SCAI: variants seen among roughly 807,000 people sequenced by gnomAD.
The protein encoded by SCAI is suppressor of cancer cell invasion.
In SCAI, 24 loss-of-function variants were observed where a neutral mutation model predicts 92.2. The ratio of observed to expected loss-of-function variants is 0.26; its 90% CI spans 0.19 to 0.37. The LOEUF (loss-of-function observed/expected upper bound fraction) is 0.37, where lower values mean the gene tolerates loss of function less well. SCAI is among the 10% of genes least tolerant of loss of function. SCAI has a pLI of 1.00. For missense variants in SCAI, 450 were observed against 736.2 expected (o/e 0.61, Z 4.50); for synonymous variants, 261 against 258.6 (o/e 1.01, Z -0.09).
rs535865175 is a variant in SCAI, at chr9:125,030,788, G to C, written c.231-1049C>G. On this transcript the variant is annotated intron_variant, in intron 3 of 17. Transcript: ENST00000336505. ...TGGGAAACAGTATGTTGCTAGCCCTGGATGCTATTAGCTACACTTAAAATA... is the reference window on the plus strand; with the variant it reads ...TGGGAAACAGTATGTTGCTAGCCCTCGATGCTATTAGCTACACTTAAAATA... 4.6e-5 allele frequency among the ~76,000 whole-genome samples: 7 copies of C among 152,166 alleles called. 1 individual carries two copies. In the South Asian group the frequency reaches 1.2e-3, roughly 27 times the overall value.
intron 14 of SCAI, among the ~76,000 whole-genome samples, chr9:124,989,468 C>T (rs1456163165): frequency 2.0e-5 from 3 of 152,030 alleles, no homozygotes; most frequent in Non-Finnish European, 4.4e-5. Flanking sequence ...GTAATCCCAG[C>T]TACTCAGGAC....
intron 2 of SCAI, among the ~76,000 whole-genome samples, chr9:125,142,073 G>A (rs1391745012): frequency 1.3e-5 from 2 of 152,096 alleles, no homozygotes; most frequent in South Asian, 2.1e-4. Flanking sequence ...TGGGACTACA[G>A]GTCCACAACA....
chr9:124,977,617 T>G (rs547675273), intron 14 of SCAI, among the ~76,000 whole-genome samples: 1 of 152,340 alleles, frequency 6.6e-6, no homozygotes, highest in South Asian at 2.1e-4. Flanking sequence ...AAGGCTACAA[T>G]GAGCTCTGAT....
intron 2 of SCAI, among the ~76,000 whole-genome samples, chr9:125,099,081 T>A (rs1049484338): frequency 1.6e-4 from 24 of 152,162 alleles, no homozygotes; most frequent in Non-Finnish European, 3.2e-4. Flanking sequence ...TATAGAGAAG[T>A]GATTTTGTTG....
intron 15 of SCAI, among the ~76,000 whole-genome samples, chr9:124,972,434 GGAC>G (rs772337800): frequency 6.6e-5 from 10 of 152,052 alleles, no homozygotes; most frequent in Non-Finnish European, 1.5e-4. Context: ...GTAAAATACT[GGAC>G]ACTAAAAATG....
At chr9:124,976,264 T>A in intron 14 of SCAI, 78 bp from the exon 15 acceptor site, 2 of 1,012,500 alleles carry the variant, frequency 2.0e-6, no homozygotes, top group South Asian at 1.3e-5. Flanking sequence ...CAAAGCATAT[T>A]TTTAGTGTAT....
chr9:125,027,625 AT>A (rs1832989194), intron 5 of SCAI, among the ~76,000 whole-genome samples: 1 of 151,830 alleles, frequency 6.6e-6, no homozygotes, highest in South Asian at 2.1e-4. Context: ...GGTTCAAGCA[AT>A]TTTCCTCCCT....
chr9:125,093,723 G>A (rs1019366089), intron 2 of SCAI, among the ~76,000 whole-genome samples: 3 of 151,844 alleles, frequency 2.0e-5, no homozygotes, highest in Admixed American at 6.6e-5. Flanking sequence ...ACACTGACAC[G>A]CCTGGCTAAT....
chr9:124,985,672 AC>A (rs1486688561), intron 14 of SCAI, among the ~76,000 whole-genome samples: 2 of 151,888 alleles, frequency 1.3e-5, no homozygotes, highest in Non-Finnish European at 2.9e-5. Flanking sequence ...GTTTGAGGCC[AC>A]CCTGACCAAC....
chr9:125,053,798 C>A (rs1833610122), intron 3 of SCAI, among the ~76,000 whole-genome samples: 1 of 151,964 alleles, frequency 6.6e-6, no homozygotes, highest in Admixed American at 6.6e-5. Flanking sequence ...TTTGAATGGG[C>A]AAATTTTATT....
intron 2 of SCAI, among the ~76,000 whole-genome samples, chr9:125,141,802 G>A (rs1419658576): frequency 2.6e-5 from 4 of 152,020 alleles, no homozygotes; most frequent in South Asian, 4.1e-4. Context: ...TCTCTGTGTC[G>A]CAGTTCCCTC....
intron 17 of SCAI, among the ~76,000 whole-genome samples, chr9:124,956,861 G>T (rs1320358063): frequency 1.3e-5 from 2 of 152,192 alleles, no homozygotes; most frequent in Middle Eastern, 3.4e-3. Context: ...TGGAAAAAAA[G>T]AAGTAAAGCT....
intron 17 of SCAI, among the ~76,000 whole-genome samples, chr9:124,966,188 A>T (rs904715337): frequency 6.6e-6 from 1 of 151,524 alleles, no homozygotes; most frequent in Admixed American, 6.6e-5. Flanking sequence ...TTAACTTGTC[A>T]TTTACATTAG....
intron 14 of SCAI, among the ~76,000 whole-genome samples, chr9:124,989,760 G>A (rs560048159): frequency 6.6e-6 from 1 of 151,344 alleles, no homozygotes; most frequent in South Asian, 2.1e-4. Flanking sequence ...GCGCGTGCCT[G>A]TAATCCAAGC....
intron 9 of SCAI, among the ~76,000 whole-genome samples, chr9:125,017,852 C>A (rs1832792660): frequency 6.6e-6 from 1 of 151,660 alleles, no homozygotes; most frequent in African/African-American, 2.4e-5. Flanking sequence ...ACTAAATATA[C>A]AAAAATTAGC....
intron 2 of SCAI, among the ~76,000 whole-genome samples, chr9:125,060,737 C>G (rs918459573): frequency 2.0e-5 from 3 of 152,196 alleles, no homozygotes; most frequent in African/African-American, 7.2e-5. Context: ...CCTTTCGCCT[C>G]CTATCATGAT....
rs1006430480 is a variant in SCAI at position 124,971,618 on chromosome 9, T to G, written c.1573+53A>C. The G allele has an allele frequency of 2.0e-6, 3 of 1,485,418 alleles. No individual in the cohort carries two copies. In the African/African-American group the frequency reaches 4.2e-5, roughly 21 times the overall value. The allele number at this position is 1,485,418 out of a possible 1,614,324, so 92.0% of individuals were successfully genotyped here. On this transcript the variant is annotated intron_variant, in intron 16 of 17. Transcript: ENST00000336505. ...CAAACAATTTAAAATAAGTAACCAT[T>G]TTAAGCCATTATAGTACATTCTGTT...
At chr9:125,050,831 A>G (rs1645399685) in intron 3 of SCAI, among the ~76,000 whole-genome samples, 1 of 152,036 alleles carries the variant, frequency 6.6e-6, no homozygotes, top group Admixed American at 6.6e-5. Flanking sequence ...TCGCCTCCCA[A>G]AGTGCTGGGA....
At position 124,948,230 on chromosome 9, in the gene SCAI, G is replaced by A. The variant is rs977111101; in HGVS notation, c.*4577C>T. 5.9e-5 allele frequency: 9 copies of A among 152,104 alleles called. No individual in the cohort carries two copies. The highest frequency in any genetic ancestry group is 1.9e-4 in the East Asian group (1 of 5,202). 9.4% of individuals were successfully genotyped at this position (152,104 alleles called of 1,614,324 possible). A position where few individuals can be genotyped will look rare whatever the true frequency, so the allele number is the denominator to read the frequency against. ...GAAGTTGGAGGGGAGGGAACCACCC[G>A]GATCCTCTATCAGGAAAACTCCAGC... On this transcript the variant is annotated 3_prime_UTR_variant, in exon 18 of 18. Transcript: ENST00000336505.
Sources: allele counts gnomAD v4.1 joint callset (sites outside exome capture counted in the v4.1 genomes callset), GRCh38; gene constraint gnomAD v4.1.1; transcripts MANE v1.5; gene names NCBI Gene and HGNC (gene_info 2026-07-23, HGNC 2026-07-21).